CCDC85A: variants seen among roughly 807,000 people sequenced by gnomAD.
CCDC85A encodes the protein coiled-coil domain-containing protein 85A.
Under a neutral mutation model 50.2 loss-of-function variants are expected in CCDC85A, and 38 were observed. The ratio of observed to expected loss-of-function variants is 0.76; its 90% CI spans 0.58 to 0.99. The LOEUF is 0.99. Among genes scored for constraint, CCDC85A ranks in the 50% least tolerant of loss-of-function variants. CCDC85A has a pLI of 0.00. For synonymous variants in CCDC85A, 366 were observed against 301.4 expected (o/e 1.21, Z -2.22); for missense variants, 820 against 742.0 (o/e 1.11, Z -1.22).
In CCDC85A at chr2:56,236,813, C is replaced by T. The variant is rs80255867; in HGVS notation, c.1240+43373C>T. 1.6e-3 allele frequency among the ~76,000 whole-genome samples: 247 copies of T among 152,186 alleles called. 1 individual carries two copies. The highest frequency in any genetic ancestry group is 5.7e-3 in the African/African-American group (236 of 41,516). On this transcript the variant is annotated intron_variant, in intron 2 of 5. Transcript: ENST00000407595. ...TCACATTTGCACAAATTTCTCAGGT[C>T]TCTTATGTCCCCATTATCCTTATTC...
At chr2:56,235,108 C>T (rs1668947148) in intron 2 of CCDC85A, 1 of 152,150 alleles carries the variant, frequency 6.6e-6, no homozygotes, top group Non-Finnish European at 1.5e-5. Flanking sequence ...CATGAAATGC[C>T]TTCTTCAGTG....
intron 2 of CCDC85A, among the ~76,000 whole-genome samples, chr2:56,282,114 G>A (rs1671231921): frequency 6.6e-6 from 1 of 151,918 alleles, no homozygotes; most frequent in Non-Finnish European, 1.5e-5. Context: ...TAACATGTGA[G>A]GAAAATTTTG....
At chr2:56,338,120 T>A (rs1325951572) in intron 2 of CCDC85A, among the ~76,000 whole-genome samples, 1 of 152,194 alleles carries the variant, frequency 6.6e-6, no homozygotes. Context: ...ACTTTGTAGC[T>A]GAGAATTTGG....
At chr2:56,364,714 C>G (rs1383987466) in intron 3 of CCDC85A, among the ~76,000 whole-genome samples, 3 of 152,192 alleles carry the variant, frequency 2.0e-5, no homozygotes. Context: ...AGTTGATAGT[C>G]ATCCTGGATA....
chr2:56,372,294 G>T (rs899424899), intron 3 of CCDC85A, 50 bp from the exon 4 acceptor site: 14 of 1,450,466 alleles, frequency 9.7e-6, no homozygotes, highest in African/African-American at 1.4e-5. Flanking sequence ...CTTGAGACTT[G>T]GGAAACAGTA....
chr2:56,378,072 G>C (rs913330403), intron 5 of CCDC85A, among the ~76,000 whole-genome samples: 5 of 152,136 alleles, frequency 3.3e-5, no homozygotes, highest in Non-Finnish European at 5.9e-5. Context: ...TTAGGACACA[G>C]AAATATGTAC....
intron 2 of CCDC85A, among the ~76,000 whole-genome samples, chr2:56,272,200 G>A (rs1670730172): frequency 6.6e-6 from 1 of 152,168 alleles, no homozygotes; most frequent in African/African-American, 2.4e-5. Context: ...ATATGGGATA[G>A]GTGGTGTCAG....
intron 4 of CCDC85A, among the ~76,000 whole-genome samples, chr2:56,374,392 A>G (rs961947875): frequency 6.6e-6 from 1 of 152,210 alleles, no homozygotes; most frequent in Admixed American, 6.5e-5. Flanking sequence ...AAAAATAATA[A>G]TCTGCAATAA....
chr2:56,266,577 C>T (rs1558613849), intron 2 of CCDC85A, among the ~76,000 whole-genome samples: 2 of 68,394 alleles, frequency 2.9e-5, no homozygotes, highest in Non-Finnish European at 3.2e-5. Context: ...AACAATAACG[C>T]GCCCCCCCCC....
chr2:56,284,281 T>C lies in CCDC85A; in HGVS notation c.1241-58598T>C, dbSNP rs776401644. 5.6e-4 allele frequency among the ~76,000 whole-genome samples: 86 copies of C among 152,362 alleles called. 1 individual carries two copies. Among genetic ancestry groups the C allele is most frequent in the Non-Finnish European group, 2.5e-4 (17 of 68,036 alleles). ...TTTTATTGCTCTTTCTTGATTGATA[T>C]TCTGTTTGCACTTGACAGAATCTGA... On this transcript the variant is annotated intron_variant, in intron 2 of 5. Transcript: ENST00000407595.
intron 2 of CCDC85A, among the ~76,000 whole-genome samples, chr2:56,284,951 A>C (rs1379502355): frequency 6.6e-6 from 1 of 152,066 alleles, no homozygotes; most frequent in Non-Finnish European, 1.5e-5. Context: ...CATGGTATAT[A>C]TTCTTCATCC....
At chr2:56,281,034 A>G (rs1470292282) in intron 2 of CCDC85A, among the ~76,000 whole-genome samples, 2 of 152,196 alleles carry the variant, frequency 1.3e-5, no homozygotes, top group African/African-American at 2.4e-5. Context: ...CGTAACCAAT[A>G]CTTAAATAAA....
chr2:56,265,004 G>A (rs908557005), intron 2 of CCDC85A, among the ~76,000 whole-genome samples: 1 of 152,180 alleles, frequency 6.6e-6, no homozygotes, highest in Non-Finnish European at 1.5e-5. Flanking sequence ...AAATAACACA[G>A]TAACAACAGC....
intron 2 of CCDC85A, among the ~76,000 whole-genome samples, chr2:56,317,000 A>G (rs1465047327): frequency 6.6e-6 from 1 of 152,132 alleles, no homozygotes; most frequent in Admixed American, 6.6e-5. Context: ...TTTTCTGTTA[A>G]AGTGGACTTT....
At chr2:56,368,874 A>G (rs1200534781) in intron 3 of CCDC85A, among the ~76,000 whole-genome samples, 1 of 152,024 alleles carries the variant, frequency 6.6e-6, no homozygotes, top group Admixed American at 6.6e-5. Context: ...TAAGAAACTC[A>G]GTATATTTGT....
chr2:56,198,193 G>A (rs1277583162), intron 2 of CCDC85A, among the ~76,000 whole-genome samples: 3 of 152,240 alleles, frequency 2.0e-5, no homozygotes, highest in African/African-American at 7.2e-5. Flanking sequence ...GGGATTGTCT[G>A]TGAATTAAGT....
chr2:56,372,788 A>G (rs1676142662), intron 4 of CCDC85A, among the ~76,000 whole-genome samples: 1 of 152,230 alleles, frequency 6.6e-6, no homozygotes, highest in African/African-American at 2.4e-5. Flanking sequence ...GTCTCTAGAC[A>G]AGCTCAGAAA....
intron 2 of CCDC85A, among the ~76,000 whole-genome samples, chr2:56,293,858 G>A (rs1281175888): frequency 6.6e-6 from 1 of 152,190 alleles, no homozygotes; most frequent in African/African-American, 2.4e-5. Flanking sequence ...CTGTTGGTGG[G>A]AATGTAAATT....
chr2:56,321,402 C>T (rs1183284142), intron 2 of CCDC85A, among the ~76,000 whole-genome samples: 2 of 152,150 alleles, frequency 1.3e-5, no homozygotes, highest in African/African-American at 4.8e-5. Flanking sequence ...CCCCATCATT[C>T]AGCTCAAAAT....
Sources: gnomAD v4.1 joint callset for allele counts (sites outside exome capture counted in the v4.1 genomes callset) on GRCh38, gnomAD v4.1.1 for gene constraint, MANE v1.5 for transcripts, NCBI Gene and HGNC (gene_info 2026-07-23, HGNC 2026-07-21) for gene names.